Variants in CCDC88C observed in about 807,000 individuals in gnomAD.
The protein encoded by CCDC88C is coiled-coil and HOOK domain protein 88C, also known as protein Daple.
CCDC88C carries 131 observed loss-of-function variants against 198.8 expected under a neutral mutation model. That is an observed-to-expected ratio of 0.66 (90% CI 0.57 to 0.76). CCDC88C has a LOEUF of 0.76. Ranked by LOEUF, CCDC88C falls within the 30% of genes least tolerant of loss-of-function variation. CCDC88C has a pLI of 0.00. For missense variants in CCDC88C, 2,553 were observed against 2,631.6 expected (o/e 0.97, Z 0.65); for synonymous variants, 1,166 against 1,114.7 (o/e 1.05, Z -0.92).
intron 3 of CCDC88C, among the ~76,000 whole-genome samples, chr14:91,407,391 G>A (rs746106220): frequency 6.6e-5 from 10 of 152,156 alleles, no homozygotes; most frequent in African/African-American, 9.6e-5. Flanking sequence ...AGATGCTCCC[G>A]AATCCCAGAA....
At chr14:91,319,464 C>T (rs1892251685) in intron 13 of CCDC88C, among the ~76,000 whole-genome samples, 1 of 152,232 alleles carries the variant, frequency 6.6e-6, no homozygotes, top group South Asian at 2.1e-4. Context: ...AAAGCACTGA[C>T]CTGCTTGTTT....
chr14:91,299,465 G>T (rs1431696462), intron 21 of CCDC88C, among the ~76,000 whole-genome samples: 1 of 152,198 alleles, frequency 6.6e-6, no homozygotes, highest in Non-Finnish European at 1.5e-5. Context: ...GGGAAGGTGC[G>T]CATCCAGTGA....
In CCDC88C at chr14:91,339,907, C is replaced by G. The variant is rs371069846; in HGVS notation, c.601G>C (p.Asp201His). The G allele has an allele frequency of 2.3e-5, 37 of 1,591,090 alleles. No individual in the cohort carries two copies. The South Asian group carries it at 4.1e-4, about 18-fold the overall frequency. Residue 201 changes from aspartate to histidine, a missense_variant, in exon 7 of 30, where the codon GAC becomes CAC. By Grantham distance (81) the Asp-to-His change is moderately conservative (BLOSUM62 -1). Around this residue, in one of 2 missense-constraint regions of CCDC88C, gnomAD observed 1,260 missense variants for 1,412.0 expected, o/e 0.89. Transcript: ENST00000389857. This position sits in a 1 kb window ranked among gnomAD's most constrained non-coding sequence, Gnocchi z 5.8. ...SMVLHLRRLIDQRDECTELIV... is the reference protein window; with the variant it reads ...SMVLHLRRLIHQRDECTELIV... ...ACCTCGGTGCACTCGTCCCGCTGGT[C>G]GATGAGCCTCCGCAGGTGGAGCACC...
Position 91,408,694 on chromosome 14 carries a change from T to G in CCDC88C, c.235A>C (p.Thr79Pro). The G allele has an allele frequency of 6.2e-7, 1 of 1,613,578 alleles. No homozygotes were observed. The change falls in exon 3 of 30, where the codon ACC becomes CCC. Residue 79 changes from threonine (T) to proline (P), a missense_variant. Coordinates refer to ENST00000389857, the MANE Select transcript of CCDC88C (RefSeq NM_001080414.4). ...NDVNLRIQNL[T>P]ILVRNIKTYY... The stretch of plus-strand genomic sequence containing the variant: ...GTCTTAATGTTTCTCACCAAGATGG[T>G]CAAATTCTGAATGCGAAGGTTCACA...
At chr14:91,401,282 T>A (rs989606133) in intron 3 of CCDC88C, among the ~76,000 whole-genome samples, 2 of 142,882 alleles carry the variant, frequency 1.4e-5, no homozygotes, top group East Asian at 2.0e-4. Flanking sequence ...ATATTATATA[T>A]TATATACATT....
intron 3 of CCDC88C, 24 bp from the exon 4 acceptor site, chr14:91,359,735 A>T: frequency 2.5e-6 from 4 of 1,595,320 alleles, no homozygotes; most frequent in Non-Finnish European, 3.4e-6. Context: ...GGGGGAAAAG[A>T]TACCATTAAG....
rs1442940498 is a variant in CCDC88C, at chr14:91,325,619, C to T, written c.1197+291G>A. Among the ~76,000 whole-genome samples the T allele has an allele frequency of 6.6e-6, 1 of 152,110 alleles. No homozygotes were observed. The highest frequency in any genetic ancestry group is 1.5e-5 in the Non-Finnish European group (1 of 68,036). ...TGAGACAAGGTCTTGCTCTATCACC[C>T]AGGCTGGAATGCAATGGTGTGATCA... is the stretch of plus-strand genomic sequence containing the variant. On this transcript the variant is annotated intron_variant, in intron 11 of 29. Coordinates refer to ENST00000389857, the MANE Select transcript of CCDC88C (RefSeq NM_001080414.4). The surrounding 1 kb of genome is among the most constrained non-coding windows in gnomAD (Gnocchi z 4.1).
intron 3 of CCDC88C, among the ~76,000 whole-genome samples, chr14:91,366,864 C>G (rs1159004850): frequency 6.6e-6 from 1 of 152,204 alleles, no homozygotes; most frequent in African/African-American, 2.4e-5. Flanking sequence ...GTAAGGGCCT[C>G]CTGAAAAGAC....
At chr14:91,354,149 C>T (rs901660800) in intron 4 of CCDC88C, among the ~76,000 whole-genome samples, 5 of 152,168 alleles carry the variant, frequency 3.3e-5, no homozygotes, top group Non-Finnish European at 5.9e-5. Context: ...TCGGTGGGAT[C>T]GGCCATGTGT....
intron 3 of CCDC88C, among the ~76,000 whole-genome samples, chr14:91,399,854 A>AAAGAAG (rs769890260): frequency 1.1e-4 from 15 of 141,366 alleles, no homozygotes; most frequent in Non-Finnish European, 1.5e-4. Flanking sequence ...AAAAAAAAAA[A>AAAGAAG]AAGAAGAAGA....
chr14:91,299,063 C>T (rs1418292097), intron 21 of CCDC88C, among the ~76,000 whole-genome samples: 2 of 152,176 alleles, frequency 1.3e-5, no homozygotes, highest in Non-Finnish European at 2.9e-5. Flanking sequence ...TAGTGAACAG[C>T]GAAGCATCCA....
intron 4 of CCDC88C, among the ~76,000 whole-genome samples, chr14:91,346,855 C>T (rs1389688394): frequency 6.6e-6 from 1 of 152,124 alleles, no homozygotes; most frequent in Non-Finnish European, 1.5e-5. Context: ...GCTGAAATTG[C>T]TCCACTGCAC....
intron 25 of CCDC88C, chr14:91,285,802 G>C: frequency 7.8e-7 from 1 of 1,288,830 alleles, no homozygotes; most frequent in Non-Finnish European, 1.0e-6. Flanking sequence ...CCTTGTTTTT[G>C]CTTTTCAAAA....
chr14:91,326,084 C>A, intron 10 of CCDC88C, 28 bp from the exon 11 acceptor site: 2 of 1,599,852 alleles, frequency 1.3e-6, no homozygotes, highest in South Asian at 1.1e-5. Flanking sequence ...ACATGAGAAC[C>A]ATCAGATAAA....
At chr14:91,327,237 C>G (rs887764247) in intron 10 of CCDC88C, among the ~76,000 whole-genome samples, 54 of 152,350 alleles carry the variant, frequency 3.5e-4, no homozygotes, top group Admixed American at 3.4e-3. Flanking sequence ...TTCTACTTAT[C>G]CACCATGTGC....
chr14:91,315,789 T>A lies in CCDC88C; in HGVS notation c.1528-2A>T. On this transcript the variant is annotated splice_acceptor_variant, in intron 13 of 29. Transcript: ENST00000389857. LOFTEE classifies it high-confidence loss of function. ...CAGCTGGGTTTGTAACTTTTCAATC[T>A]GCAGAACCAAAAGACCCAGCCCAGT... 6.2e-7 allele frequency: 1 copy of A among 1,611,326 alleles called. No homozygotes were observed.
chr14:91,303,642 C>T, intron 20 of CCDC88C, 59 bp downstream of exon 20: 1 of 1,478,594 alleles, frequency 6.8e-7, no homozygotes, highest in Admixed American at 2.2e-5. Flanking sequence ...TCCCCCTGGG[C>T]CCAGCCTCTC....
chr14:91,379,438 A>C (rs1596134751), intron 3 of CCDC88C: 1 of 191,960 alleles, frequency 5.2e-6, no homozygotes, highest in East Asian at 1.4e-4. Flanking sequence ...GCTGAAATGC[A>C]GACACTCCCA....
chr14:91,299,071 C>A (rs1387521811), intron 21 of CCDC88C, among the ~76,000 whole-genome samples: 1 of 152,224 alleles, frequency 6.6e-6, no homozygotes, highest in Non-Finnish European at 1.5e-5. Context: ...AGCGAAGCAT[C>A]CAGCCTAGGG....
Sources: gnomAD v4.1 joint callset for allele counts (sites outside exome capture counted in the v4.1 genomes callset) on GRCh38, gnomAD v4.1.1 for gene constraint, gnomAD v4.1.1 regional missense constraint, Gnocchi (gnomAD v3.1) non-coding constraint, MANE v1.5 for transcripts, NCBI Gene and HGNC (gene_info 2026-07-23, HGNC 2026-07-21) for gene names.